Variants in PDE1A observed in about 807,000 individuals in gnomAD.
PDE1A encodes phosphodiesterase 1A.
PDE1A carries 35 observed loss-of-function variants against 61.7 expected under a neutral mutation model. That is an observed-to-expected ratio of 0.57 (90% confidence interval 0.43 to 0.75). PDE1A has a LOEUF of 0.75. Among genes scored for constraint, PDE1A ranks in the 30% least tolerant of loss-of-function variants. The pLI is 0.00. For synonymous variants in PDE1A, 232 were observed against 213.2 expected (o/e 1.09, Z -0.77); for missense variants, 597 against 630.6 (o/e 0.95, Z 0.57).
intron 1 of PDE1A, among the ~76,000 whole-genome samples, chr2:182,345,584 G>A (rs757315676): frequency 6.6e-5 from 10 of 151,846 alleles, no homozygotes; most frequent in Non-Finnish European, 1.3e-4. Flanking sequence ...CTCCTCCCAC[G>A]CCTCCTCTTA....
chr2:182,462,128 G>A (rs1003499364), intron 2 of PDE1A, among the ~76,000 whole-genome samples: 1 of 151,920 alleles, frequency 6.6e-6, no homozygotes, highest in Non-Finnish European at 1.5e-5. Flanking sequence ...ACACAGGAAG[G>A]GGAACATCAC....
rs777373259 is a variant in PDE1A at position 182,168,275 on chromosome 2, G to A, written c.1532C>T (p.Ser511Leu). ...CTGATGAATAAACTCACACTTCTGTGAACTGGTTCTTGCTTCTGAAAAAAA... is the reference window on the plus strand; with the variant it reads ...CTGATGAATAAACTCACACTTCTGTAAACTGGTTCTTGCTTCTGAAAAAAA... The change falls in exon 14 of 14, where the codon TCA becomes TTA. Residue 511 changes from serine (S) to leucine (L), a missense_variant. Ser to Leu is a moderately radical substitution (Grantham distance 145). Transcript: ENST00000351439. The A allele has an allele frequency of 2.3e-5, 37 of 1,591,454 alleles. No homozygotes were observed. In the Admixed American group the frequency reaches 6.3e-4, roughly 27 times the overall value.
At chr2:182,608,618 G>T in the PDE1A span, among the ~76,000 whole-genome samples, 1 of 152,200 alleles carries the variant, frequency 6.6e-6, no homozygotes, top group African/African-American at 2.4e-5. Context: ...TCGATTTCTC[G>T]CCGGGCCTTA....
At chr2:182,190,123 G>A (rs573505542) in intron 10 of PDE1A, among the ~76,000 whole-genome samples, 1 of 152,202 alleles carries the variant, frequency 6.6e-6, no homozygotes, top group Non-Finnish European at 1.5e-5. Context: ...ATCTTCTAGA[G>A]CAGTTCCCCT....
At chr2:182,483,995 A>T (rs1053963192) in intron 2 of PDE1A, among the ~76,000 whole-genome samples, 9 of 151,926 alleles carry the variant, frequency 5.9e-5, no homozygotes, top group African/African-American at 2.2e-4. Context: ...TATGCCAAAA[A>T]ATTGGACAAC....
intron 1 of PDE1A, among the ~76,000 whole-genome samples, chr2:182,267,527 T>C (rs917791697): frequency 1.3e-5 from 2 of 151,932 alleles, no homozygotes; most frequent in African/African-American, 4.8e-5. Flanking sequence ...CTAGGACTCG[T>C]TTTTTCTCCT....
chr2:182,219,951 G>T (rs906515049), intron 7 of PDE1A, among the ~76,000 whole-genome samples: 22 of 151,906 alleles, frequency 1.4e-4, no homozygotes, highest in Non-Finnish European at 2.1e-4. Flanking sequence ...AAAAACTAAA[G>T]AAATCTGGCA....
At chr2:182,170,938 T>C (rs1469512978) in intron 13 of PDE1A, among the ~76,000 whole-genome samples, 1 of 152,002 alleles carries the variant, frequency 6.6e-6, no homozygotes, top group Admixed American at 6.6e-5. Context: ...TAAAATACTA[T>C]GTTAATCATA....
At chr2:182,659,660 T>G in the PDE1A span, among the ~76,000 whole-genome samples, 1 of 152,214 alleles carries the variant, frequency 6.6e-6, no homozygotes, top group South Asian at 2.1e-4. Context: ...CTTGGTTGGA[T>G]TCCCAGTTCT....
chr2:182,685,409 A>G, the PDE1A span, among the ~76,000 whole-genome samples: 2 of 152,292 alleles, frequency 1.3e-5, no homozygotes, highest in East Asian at 3.9e-4. Context: ...TTATTGAAAA[A>G]GTGGCATAGT....
intron 2 of PDE1A, among the ~76,000 whole-genome samples, chr2:182,504,741 T>G (rs1689292124): frequency 6.6e-6 from 1 of 152,206 alleles, no homozygotes. Flanking sequence ...CTAACTGAAA[T>G]TTGGTTCACA....
chr2:182,594,521 GC>G, the PDE1A span, among the ~76,000 whole-genome samples: 1 of 152,044 alleles, frequency 6.6e-6, no homozygotes, highest in Non-Finnish European at 1.5e-5. Context: ...CCCTATTAAG[GC>G]ATTCCTCAAA....
At chr2:182,634,970 A>G in the PDE1A span, among the ~76,000 whole-genome samples, 1 of 152,212 alleles carries the variant, frequency 6.6e-6, no homozygotes, top group Non-Finnish European at 1.5e-5. Context: ...TGCAATTATT[A>G]TAAGTAATGT....
chr2:182,266,889 C>T (rs999842760), intron 1 of PDE1A, among the ~76,000 whole-genome samples: 1 of 152,086 alleles, frequency 6.6e-6, no homozygotes, highest in African/African-American at 2.4e-5. Context: ...GCTATGGGTC[C>T]ACCTGAATGA....
intron 1 of PDE1A, among the ~76,000 whole-genome samples, chr2:182,278,856 T>C (rs1693617977): frequency 6.6e-6 from 1 of 152,012 alleles, no homozygotes; most frequent in African/African-American, 2.4e-5. Flanking sequence ...TTTTTACAAT[T>C]TTTAACTTTT....
chr2:182,175,328 C>T (rs1181828594), intron 13 of PDE1A, among the ~76,000 whole-genome samples: 1 of 152,230 alleles, frequency 6.6e-6, no homozygotes, highest in African/African-American at 2.4e-5. Flanking sequence ...TATTTCTCCA[C>T]ATCCTCTCCA....
At chr2:182,170,559 GT>G (rs1385767851) in intron 13 of PDE1A, among the ~76,000 whole-genome samples, 2 of 151,938 alleles carry the variant, frequency 1.3e-5, no homozygotes, top group Non-Finnish European at 2.9e-5. Flanking sequence ...ATAATTTTCT[GT>G]GTGCTATATG....
chr2:182,504,067 T>C (rs1264912910), intron 2 of PDE1A, among the ~76,000 whole-genome samples: 2 of 152,224 alleles, frequency 1.3e-5, no homozygotes, highest in Non-Finnish European at 2.9e-5. Context: ...ATGACACTCA[T>C]TCTTAAGATA....
At chr2:182,343,729 A>G (rs1007064770) in intron 1 of PDE1A, among the ~76,000 whole-genome samples, 3 of 152,162 alleles carry the variant, frequency 2.0e-5, no homozygotes, top group Non-Finnish European at 4.4e-5. Flanking sequence ...ATGATTTCTT[A>G]TATTTAGTAA....
Sources: allele counts gnomAD v4.1 joint callset (sites outside exome capture counted in the v4.1 genomes callset), GRCh38; gene constraint gnomAD v4.1.1; transcripts MANE v1.5; gene names NCBI Gene and HGNC (gene_info 2026-07-23, HGNC 2026-07-21).